The following C1orf174 variants were observed in gnomAD, a reference collection of about 807,000 sequenced individuals.
The protein encoded by C1orf174 is chromosome 1 open reading frame 174, also known as UPF0688 protein C1orf174.
In C1orf174, 13 loss-of-function variants were observed where a neutral mutation model predicts 18.4. The ratio of observed to expected loss-of-function variants is 0.71; its 90% CI spans 0.46 to 1.12. The LOEUF is 1.12. Among genes scored for constraint, C1orf174 ranks in the 50% most tolerant of loss-of-function variants. C1orf174 has a pLI of 0.00. For missense variants in C1orf174, 309 were observed against 308.0 expected, an observed-to-expected ratio of 1.00 and a Z score of -0.02; for synonymous variants, 100 against 118.3, an observed-to-expected ratio of 0.85 and a Z score of 1.01.
In C1orf174 at chr1:3,900,257, C is replaced by A; in HGVS notation, c.-71G>T. ...TCCCGGCGGAGCGGCGACCCGGAGT[C>A]TGCAGAGCGCGCCGCGGCGGCGTCC... On this transcript the variant is annotated 5_prime_UTR_variant, in exon 1 of 4. Coordinates refer to ENST00000361605, the MANE Select transcript of C1orf174 (RefSeq NM_207356.3). 2 of 1,463,832 alleles carry A rather than the reference C, an allele frequency of 1.4e-6. No individual in the cohort carries two copies. Among genetic ancestry groups the A allele is most frequent in the South Asian group, 2.7e-5 (2 of 74,620 alleles). 90.7% of individuals were successfully genotyped at this position (1,463,832 alleles called of 1,614,324 possible).
Position 3,891,029 on chromosome 1 carries a change from G to C in C1orf174, c.158C>G (p.Thr53Arg), listed in dbSNP as rs4274008. ...ACATTTGAACTTCTTGGACGTTCGC[G>C]TGTCTGTGGCTTTGTGGGATGAGGA... is the stretch of plus-strand genomic sequence containing the variant. The part of the protein sequence containing the change: ...LTSSSHKATD[T>R]RTSKKFKCDK... The change falls in exon 3 of 4, where the codon ACG becomes AGG. Residue 53 changes from threonine (T) to arginine (R), a missense_variant. Physicochemically the swap from Thr to Arg is moderately conservative, Grantham distance 71. Coordinates refer to ENST00000361605, the MANE Select transcript of C1orf174 (RefSeq NM_207356.3). 1,599,949 of 1,613,134 alleles carry C rather than the reference G, an allele frequency of 0.99. 793,455 individuals carry two copies. The highest frequency in any genetic ancestry group is 1 in the East Asian group (44,874 of 44,876).
At chr1:3,899,668 G>T (rs1056021606) in intron 1 of C1orf174, among the ~76,000 whole-genome samples, 7 of 152,236 alleles carry the variant, frequency 4.6e-5, no homozygotes, top group African/African-American at 1.7e-4. Flanking sequence ...ACTACCAGGA[G>T]TTGAAACCAG....
At chr1:3,893,214 T>C (rs549736664) in intron 1 of C1orf174, among the ~76,000 whole-genome samples, 14 of 152,240 alleles carry the variant, frequency 9.2e-5, no homozygotes, top group Non-Finnish European at 5.9e-5. Context: ...TTTTGGAGGC[T>C]TGGGACGATC....
chr1:3,900,214 C>T lies in C1orf174; in HGVS notation c.-28G>A. 1.9e-6 allele frequency: 3 copies of T among 1,565,846 alleles called. No homozygotes were observed. Among genetic ancestry groups the T allele is most frequent in the Non-Finnish European group, 1.7e-6 (2 of 1,167,054 alleles). ...GTGTGAGCACCGCAGCCAAGCACCGCGCGCCCCGGCCAACGCGTCCCGGCG... is the reference window on the plus strand; with the variant it reads ...GTGTGAGCACCGCAGCCAAGCACCGTGCGCCCCGGCCAACGCGTCCCGGCG... On this transcript the variant is annotated 5_prime_UTR_variant, in exon 1 of 4. Transcript: ENST00000361605.
In C1orf174 at chr1:3,900,209, C is replaced by T. The variant is rs770907266; in HGVS notation, c.-23G>A. On this transcript the variant is annotated 5_prime_UTR_variant, in exon 1 of 4. Transcript: ENST00000361605. The stretch of plus-strand genomic sequence containing the variant: ...CATGAGTGTGAGCACCGCAGCCAAG[C>T]ACCGCGCGCCCCGGCCAACGCGTCC... The T allele has an allele frequency of 4.5e-6, 7 of 1,570,244 alleles. No homozygotes were observed. Among genetic ancestry groups the T allele is most frequent in the Admixed American group, 1.8e-5 (1 of 55,452 alleles).
chr1:3,899,457 T>G (rs551817201), intron 1 of C1orf174, among the ~76,000 whole-genome samples: 2 of 152,256 alleles, frequency 1.3e-5, no homozygotes, highest in East Asian at 3.9e-4. Context: ...TCGCCTTAAC[T>G]GTTACACCCA....
At chr1:3,893,055 A>T in intron 1 of C1orf174, 59 bp from the exon 2 acceptor site, 1 of 1,569,814 alleles carries the variant, frequency 6.4e-7, no homozygotes, top group Non-Finnish European at 8.7e-7. Context: ...GAACATGTAG[A>T]CGAGAATTTC....
At chr1:3,896,917 C>A (rs941896798) in intron 1 of C1orf174, among the ~76,000 whole-genome samples, 7 of 152,156 alleles carry the variant, frequency 4.6e-5, no homozygotes, top group African/African-American at 1.7e-4. Context: ...CCACTGTCAT[C>A]CAGAGTGGCT....
chr1:3,895,508 C>G (rs1360089344), intron 1 of C1orf174: 1 of 152,240 alleles, frequency 6.6e-6, no homozygotes, highest in East Asian at 1.9e-4. Context: ...GCCAGATGAT[C>G]TGCTGGGCTG....
At chr1:3,900,132 GC>G in intron 1 of C1orf174, 39 bp downstream of exon 1, 2 of 1,567,070 alleles carry the variant, frequency 1.3e-6, no homozygotes, top group Non-Finnish European at 1.7e-6. Flanking sequence ...CAGAGTCCCC[GC>G]CCTGCCCGGC....
Position 3,892,770 on chromosome 1 carries a change from A to T in C1orf174, c.129+113T>A, listed in dbSNP as rs1437711788. 5 of 1,493,354 alleles carry T rather than the reference A, an allele frequency of 3.3e-6. No individual in the cohort carries two copies. The African/African-American group carries it at 4.2e-5, about 13-fold the overall frequency. 92.5% of individuals were successfully genotyped at this position (1,493,354 alleles called of 1,614,324 possible). ...TCATCTGCAATAGTCCCCCTCTGGC[A>T]GATAAGTAACAGTCGATATTTTTCT... On this transcript the variant is annotated intron_variant, in intron 2 of 3. Transcript: ENST00000361605.
intron 1 of C1orf174, among the ~76,000 whole-genome samples, chr1:3,896,672 T>C (rs1638610520): frequency 6.6e-6 from 1 of 152,214 alleles, no homozygotes; most frequent in Non-Finnish European, 1.5e-5. Flanking sequence ...GGCCAACCAG[T>C]TCGCAGAAGA....
Position 3,890,972 on chromosome 1 carries a change from T to C in C1orf174, c.215A>G (p.Gln72Arg), listed in dbSNP as rs560840775. The C allele has an allele frequency of 1.3e-4, 202 of 1,614,114 alleles. No individual in the cohort carries two copies. Among genetic ancestry groups the C allele is most frequent in the Non-Finnish European group, 1.7e-4 (196 of 1,180,052 alleles). The change falls in exon 3 of 4, where the codon CAG becomes CGG. Residue 72 changes from glutamine (Q) to arginine (R), a missense_variant. Transcript: ENST00000361605. ...DKGHLVKSEL[Q>R]KLVPKNDSAS... ...GCTGTCATTCTTAGGGACAAGCTTC[T>C]GTAATTCTGACTTCACAAGATGTCC...
intron 1 of C1orf174, among the ~76,000 whole-genome samples, chr1:3,896,785 T>C (rs1281227269): frequency 3.3e-5 from 5 of 152,176 alleles, no homozygotes; most frequent in Admixed American, 1.3e-4. Flanking sequence ...CACAATTTGA[T>C]TGGATTAGTT....
chr1:3,889,848 AG>A lies in C1orf174; in HGVS notation c.*111del. On this transcript the variant is annotated 3_prime_UTR_variant, in exon 4 of 4. Transcript: ENST00000361605. ...ATTGACTTAGATGGGTCAGTTCTGA[AG>A]TTTGATTAAGACATTCTCTTGGAGA... The A allele has an allele frequency of 5.0e-6, 5 of 999,268 alleles. 1 individual carries two copies. The highest frequency in any genetic ancestry group is 6.3e-6 in the Non-Finnish European group (4 of 634,028). 61.9% of individuals were successfully genotyped at this position (999,268 alleles called of 1,614,324 possible). A position where few individuals can be genotyped will look rare whatever the true frequency, so the allele number is the denominator to read the frequency against.
At position 3,892,971 on chromosome 1, in the gene C1orf174, G is replaced by C; in HGVS notation, c.41C>G (p.Ala14Gly). 6.2e-7 allele frequency: 1 copy of C among 1,614,050 alleles called. No homozygotes were observed. The highest frequency in any genetic ancestry group is 8.5e-7 in the Non-Finnish European group (1 of 1,179,994). The change falls in exon 2 of 4, where the codon GCG becomes GGG. Residue 14 changes from alanine to glycine, a missense_variant. Transcript: ENST00000361605. ...CGAACAACTTCGTGCTTTCAAGCGC[G>C]CTGAAGACCGCACTGCACCTGTGAG... ...RKLTGAVRSS[A>G]RLKARSCSAA...
At chr1:3,891,501 G>A (rs535589421) in intron 2 of C1orf174, 1 of 730,734 alleles carries the variant, frequency 1.4e-6, no homozygotes, top group East Asian at 1.3e-4. Flanking sequence ...AGAAATATTT[G>A]TGAAATTGAC....
Position 3,893,002 on chromosome 1 carries a change from G to C in C1orf174, c.16-6C>G, listed in dbSNP as rs781758355. 3 of 1,613,516 alleles carry C rather than the reference G, an allele frequency of 1.9e-6. No individual in the cohort carries two copies. Among genetic ancestry groups the C allele is most frequent in the African/African-American group, 1.3e-5 (1 of 75,026 alleles). On this transcript the variant is annotated splice_polypyrimidine_tract_variant and splice_region_variant and intron_variant, in intron 1 of 3. Transcript: ENST00000361605. ...GACCGCACTGCACCTGTGAGCTAGA[G>C]AGATTGAGAGCCACTCAGAGAGTGC...
At chr1:3,900,132 G>C (rs778418311) in intron 1 of C1orf174, 40 bp downstream of exon 1, 3 of 1,566,956 alleles carry the variant, frequency 1.9e-6, no homozygotes, top group Non-Finnish European at 2.6e-6. Context: ...CAGAGTCCCC[G>C]CCCTGCCCGG....
Sources: gnomAD v4.1 joint callset for allele counts (sites outside exome capture counted in the v4.1 genomes callset) on GRCh38, gnomAD v4.1.1 for gene constraint, MANE v1.5 for transcripts, NCBI Gene and HGNC (gene_info 2026-07-23, HGNC 2026-07-21) for gene names.